KLF12: variants seen among roughly 807,000 people sequenced by gnomAD.
The protein encoded by KLF12 is Krueppel-like factor 12.
In KLF12, 9 loss-of-function variants were observed where a neutral mutation model predicts 37.8. The observed-to-expected ratio is 0.24, with a 90% CI of 0.14 to 0.42. The LOEUF (loss-of-function observed/expected upper bound fraction) is 0.42, where lower values mean the gene tolerates loss of function less well. Ranked by LOEUF, KLF12 falls within the 10% of genes least tolerant of loss-of-function variation. The pLI, the probability that KLF12 is intolerant of heterozygous loss-of-function variation, is 1.00. For missense variants in KLF12, 411 were observed against 516.0 expected, an observed-to-expected ratio of 0.80 and a Z score of 1.97; for synonymous variants, 208 against 202.1, an observed-to-expected ratio of 1.03 and a Z score of -0.25.
In KLF12 at chr13:73,712,846, A is replaced by G. The variant is rs144931333; in HGVS notation, c.1027+2522T>C. Among the ~76,000 whole-genome samples the G allele has an allele frequency of 5.4e-3, 830 of 152,320 alleles. 8 individuals are homozygous for G. The highest frequency in any genetic ancestry group is 0.019 in the African/African-American group (778 of 41,560). On this transcript the variant is annotated intron_variant, in intron 7 of 7. Coordinates refer to ENST00000377669, the MANE Select transcript of KLF12 (RefSeq NM_007249.5). ...CTTGTGAGCAATGAAGTGCTTTTTA[A>G]TTATGTACTTTTTTTAGACAATGCT...
At chr13:73,918,933 T>A (rs1888982564) in intron 3 of KLF12, among the ~76,000 whole-genome samples, 1 of 152,184 alleles carries the variant, frequency 6.6e-6, no homozygotes, top group Non-Finnish European at 1.5e-5. Context: ...TGTCATTACC[T>A]CTGAATTGAG....
intron 6 of KLF12, among the ~76,000 whole-genome samples, chr13:73,735,453 A>AG (rs1459890412): frequency 2.6e-5 from 4 of 152,068 alleles, no homozygotes; most frequent in Non-Finnish European, 5.9e-5. Context: ...GTCGCCCCCT[A>AG]GGGGCTCTGG....
At chr13:74,103,803 C>G (rs918320040) in intron 1 of KLF12, among the ~76,000 whole-genome samples, 4 of 152,110 alleles carry the variant, frequency 2.6e-5, no homozygotes, top group African/African-American at 9.7e-5. Context: ...ACAATACTAT[C>G]AAATGAAGTA....
At chr13:73,988,502 T>C (rs1175614612) in intron 2 of KLF12, among the ~76,000 whole-genome samples, 1 of 152,216 alleles carries the variant, frequency 6.6e-6, no homozygotes, top group Non-Finnish European at 1.5e-5. Context: ...ATTGTAGTGT[T>C]TGCAACACCA....
At chr13:74,280,492 A>G in the KLF12 span, among the ~76,000 whole-genome samples, 2 of 152,224 alleles carry the variant, frequency 1.3e-5, no homozygotes, top group African/African-American at 4.8e-5. Flanking sequence ...TTACACATCT[A>G]TACACAGATT....
At chr13:74,048,308 A>G (rs1248354073) in intron 1 of KLF12, among the ~76,000 whole-genome samples, 2 of 152,224 alleles carry the variant, frequency 1.3e-5, no homozygotes, top group Non-Finnish European at 2.9e-5. Flanking sequence ...ACGGAAGAAG[A>G]AAGGAAGGAA....
At chr13:73,747,599 C>A (rs1421432495) in intron 6 of KLF12, among the ~76,000 whole-genome samples, 4 of 152,098 alleles carry the variant, frequency 2.6e-5, no homozygotes, top group Non-Finnish European at 5.9e-5. Flanking sequence ...AGTCTTGCAT[C>A]CCCTTGTAAT....
intron 1 of KLF12, among the ~76,000 whole-genome samples, chr13:74,029,142 A>T (rs1893052663): frequency 1.3e-5 from 2 of 152,122 alleles, no homozygotes; most frequent in East Asian, 3.8e-4. Context: ...AATCAATAAT[A>T]AACAGTGGGA....
chr13:74,284,674 G>T, the KLF12 span, among the ~76,000 whole-genome samples: 1 of 152,194 alleles, frequency 6.6e-6, no homozygotes, highest in East Asian at 1.9e-4. Context: ...AGATCCAATG[G>T]CTCTAAGCCT....
At chr13:74,193,857 G>A in the KLF12 span, among the ~76,000 whole-genome samples, 5 of 152,058 alleles carry the variant, frequency 3.3e-5, no homozygotes, top group Admixed American at 2.6e-4. Context: ...GATTGCTAAC[G>A]TGTCCCTATG....
chr13:74,000,323 T>C (rs2138302523), intron 1 of KLF12, among the ~76,000 whole-genome samples: 1 of 152,254 alleles, frequency 6.6e-6, no homozygotes, highest in Non-Finnish European at 1.5e-5. Flanking sequence ...GAAAATGGAA[T>C]CTCCACTCTA....
chr13:74,018,615 A>G (rs1892762503), intron 1 of KLF12, among the ~76,000 whole-genome samples: 1 of 152,244 alleles, frequency 6.6e-6, no homozygotes, highest in Non-Finnish European at 1.5e-5. Context: ...CATAGGTAAC[A>G]TCTTCAATAA....
intron 1 of KLF12, among the ~76,000 whole-genome samples, chr13:74,127,682 C>T (rs1444495421): frequency 5.3e-5 from 8 of 152,082 alleles, no homozygotes; most frequent in South Asian, 4.1e-4. Flanking sequence ...AATGCAGTTG[C>T]GGAGAAATCA....
intron 1 of KLF12, among the ~76,000 whole-genome samples, chr13:74,128,366 G>A (rs918067703): frequency 4.0e-5 from 6 of 149,950 alleles, no homozygotes; most frequent in African/African-American, 1.5e-4. Context: ...AGGGCAGTGT[G>A]GGGGCGGTGG....
chr13:74,282,164 G>A, the KLF12 span, among the ~76,000 whole-genome samples: 1 of 152,132 alleles, frequency 6.6e-6, no homozygotes, highest in Non-Finnish European at 1.5e-5. Flanking sequence ...CTCCTCTGTG[G>A]GGCAGCTTCA....
chr13:74,031,955 AATT>A (rs1434401043), intron 1 of KLF12, among the ~76,000 whole-genome samples: 1 of 151,972 alleles, frequency 6.6e-6, no homozygotes, highest in African/African-American at 2.4e-5. Context: ...CTCATTTGGG[AATT>A]ATTATAAGAG....
At chr13:73,764,480 A>T (rs115191556) in intron 6 of KLF12, among the ~76,000 whole-genome samples, 70,677 of 150,568 alleles carry the variant, frequency 0.47, 17,490 homozygotes, top group Middle Eastern at 0.59. Flanking sequence ...CCCAAATTAA[A>T]AAAAAAAAAA....
chr13:73,734,552 C>G (rs1290964072), intron 6 of KLF12, among the ~76,000 whole-genome samples: 1 of 151,312 alleles, frequency 6.6e-6, no homozygotes, highest in Admixed American at 6.6e-5. Flanking sequence ...TTATAACTTT[C>G]ATAATAGATG....
At chr13:74,125,914 C>A (rs1285935191) in intron 1 of KLF12, among the ~76,000 whole-genome samples, 2 of 152,150 alleles carry the variant, frequency 1.3e-5, no homozygotes, top group African/African-American at 4.8e-5. Context: ...GTAGGAGTAA[C>A]ACAAGGGGAA....
Sources: allele counts gnomAD v4.1 joint callset (sites outside exome capture counted in the v4.1 genomes callset), GRCh38; gene constraint gnomAD v4.1.1; transcripts MANE v1.5; gene names NCBI Gene and HGNC (gene_info 2026-07-23, HGNC 2026-07-21).